Variants in UNC5D observed in about 807,000 individuals in gnomAD.
UNC5D encodes netrin receptor UNC5D.
UNC5D carries 39 observed loss-of-function variants against 105.4 expected under a neutral mutation model. That is an observed-to-expected ratio of 0.37 (90% CI 0.29 to 0.48). The LOEUF (loss-of-function observed/expected upper bound fraction) is 0.48. UNC5D is among the 20% of genes least tolerant of loss of function. The probability of loss-of-function intolerance (pLI) is 0.98; values close to 1 mark genes in which losing one functional copy is unlikely to be tolerated. For missense variants in UNC5D, 991 were observed against 1,202.4 expected, an observed-to-expected ratio of 0.82 and a Z score of 2.60; for synonymous variants, 452 against 450.4, an observed-to-expected ratio of 1.00 and a Z score of -0.04.
At position 35,790,765 on chromosome 8, in the gene UNC5D, G is replaced by A. The variant is rs1803003826; in HGVS notation, c.*202G>A. The A allele has an allele frequency of 1.7e-6, 1 of 605,590 alleles. No individual in the cohort carries two copies. The highest frequency in any genetic ancestry group is 3.0e-5 in the Admixed American group (1 of 33,848). 37.5% of individuals were successfully genotyped at this position (605,590 alleles called of 1,614,324 possible). A position where few individuals can be genotyped will look rare whatever the true frequency, so the allele number is the denominator to read the frequency against. On this transcript the variant is annotated 3_prime_UTR_variant, in exon 17 of 17. Transcript: ENST00000404895. ...AGTACAAGCTCTCTTACATATAAGAGGGCTCTACTATCTCCTTGGAATCCA... is the reference window on the plus strand; with the variant it reads ...AGTACAAGCTCTCTTACATATAAGAAGGCTCTACTATCTCCTTGGAATCCA...
At chr8:35,269,422 G>T (rs960545009) in intron 1 of UNC5D, among the ~76,000 whole-genome samples, 1 of 152,100 alleles carries the variant, frequency 6.6e-6, no homozygotes, top group Non-Finnish European at 1.5e-5. Context: ...CAGTTCAAAT[G>T]CTCGCTTCTT....
chr8:35,602,969 G>A (rs1377687259), intron 4 of UNC5D, among the ~76,000 whole-genome samples: 1 of 149,808 alleles, frequency 6.7e-6, no homozygotes, highest in African/African-American at 2.5e-5. Context: ...TGAGAATATG[G>A]GGTGTTTGGT....
At chr8:35,393,967 T>TCTTCTC (rs905088640) in intron 1 of UNC5D, among the ~76,000 whole-genome samples, 5 of 152,180 alleles carry the variant, frequency 3.3e-5, no homozygotes, top group African/African-American at 1.2e-4. Context: ...TTCTTCCCTT[T>TCTTCTC]CTTCTCCTTC....
At chr8:35,506,976 C>A (rs1812344448) in intron 1 of UNC5D, among the ~76,000 whole-genome samples, 1 of 150,352 alleles carries the variant, frequency 6.7e-6, no homozygotes, top group East Asian at 2.0e-4. Context: ...TTATGTTTGA[C>A]AAACAAATCT....
chr8:35,403,920 C>T (rs1012601948), intron 1 of UNC5D, among the ~76,000 whole-genome samples: 1 of 152,176 alleles, frequency 6.6e-6, no homozygotes, highest in Non-Finnish European at 1.5e-5. Flanking sequence ...CCTCCACTGA[C>T]ATTCTCTCCA....
intron 1 of UNC5D, among the ~76,000 whole-genome samples, chr8:35,237,693 G>A (rs1320893799): frequency 6.6e-6 from 1 of 152,162 alleles, no homozygotes; most frequent in East Asian, 1.9e-4. Flanking sequence ...GTCTTGCACA[G>A]ATCATAGTAA....
chr8:35,777,759 G>A (rs1802320850), intron 16 of UNC5D, among the ~76,000 whole-genome samples: 1 of 152,202 alleles, frequency 6.6e-6, no homozygotes, highest in Non-Finnish European at 1.5e-5. Context: ...ATTATAGTCT[G>A]CAGTTTGCTG....
chr8:35,366,124 C>T (rs1463971582), intron 1 of UNC5D, among the ~76,000 whole-genome samples: 1 of 152,046 alleles, frequency 6.6e-6, no homozygotes, highest in African/African-American at 2.4e-5. Context: ...TCCTGGGATG[C>T]TTGGCCAAAA....
chr8:35,567,488 G>A (rs750839582), intron 2 of UNC5D, among the ~76,000 whole-genome samples: 3 of 151,712 alleles, frequency 2.0e-5, no homozygotes, highest in Non-Finnish European at 4.4e-5. Flanking sequence ...GATCCCCATC[G>A]CTTAAAAAAA....
chr8:35,303,848 A>G (rs1808143059), intron 1 of UNC5D, among the ~76,000 whole-genome samples: 1 of 152,184 alleles, frequency 6.6e-6, no homozygotes, highest in African/African-American at 2.4e-5. Context: ...GTAAATGATC[A>G]GCTAAAGCCA....
intron 3 of UNC5D, among the ~76,000 whole-genome samples, chr8:35,590,093 T>C (rs1201829632): frequency 6.6e-6 from 1 of 152,178 alleles, no homozygotes; most frequent in East Asian, 1.9e-4. Flanking sequence ...ATATTTTTAT[T>C]AGCCACTTGT....
chr8:35,413,876 T>C (rs1276514893), intron 1 of UNC5D, among the ~76,000 whole-genome samples: 1 of 152,118 alleles, frequency 6.6e-6, no homozygotes, highest in Non-Finnish European at 1.5e-5. Flanking sequence ...TTTTCTGTCC[T>C]ATAGAATATT....
intron 1 of UNC5D, among the ~76,000 whole-genome samples, chr8:35,436,386 C>T (rs1807015836): frequency 6.6e-6 from 1 of 151,978 alleles, no homozygotes; most frequent in African/African-American, 2.4e-5. Flanking sequence ...GTTTATTACA[C>T]TTCGGATAGG....
chr8:35,657,062 G>GTA, intron 4 of UNC5D, among the ~76,000 whole-genome samples: 1 of 97,224 alleles, frequency 1.0e-5, no homozygotes, highest in Non-Finnish European at 1.9e-5. Context: ...GTGTGTGTGT[G>GTA]TGTGTGTGTG....
chr8:35,342,532 A>T (rs1811524556), intron 1 of UNC5D, among the ~76,000 whole-genome samples: 1 of 152,090 alleles, frequency 6.6e-6, no homozygotes, highest in Non-Finnish European at 1.5e-5. Context: ...AGTTGCTTGT[A>T]CATTTTGGGA....
intron 8 of UNC5D, among the ~76,000 whole-genome samples, chr8:35,717,017 A>G (rs1828286444): frequency 6.6e-6 from 1 of 152,156 alleles, no homozygotes; most frequent in African/African-American, 2.4e-5. Flanking sequence ...ATGGGATTCC[A>G]TCTCCATGGC....
chr8:35,462,167 CA>C lies in UNC5D; in HGVS notation c.104-87122del, dbSNP rs529409372. 3.9e-5 allele frequency among the ~76,000 whole-genome samples: 6 copies of C among 152,194 alleles called. No individual in the cohort carries two copies. The South Asian group carries it at 1.2e-3, about 32-fold the overall frequency. On this transcript the variant is annotated intron_variant, in intron 1 of 16. Coordinates refer to ENST00000404895, the MANE Select transcript of UNC5D (RefSeq NM_080872.4). ...CTCTCAAGCCCTTAAATTCAATTTA[CA>C]AATCTAATTATTCTTTTACTAAATC...
intron 8 of UNC5D, among the ~76,000 whole-genome samples, chr8:35,713,129 G>T (rs1828057405): frequency 6.6e-6 from 1 of 151,826 alleles, no homozygotes; most frequent in Non-Finnish European, 1.5e-5. Flanking sequence ...CATTTTCAAT[G>T]ATTTTGCTGA....
intron 4 of UNC5D, among the ~76,000 whole-genome samples, chr8:35,630,961 A>C (rs1822002705): frequency 6.6e-6 from 1 of 152,228 alleles, no homozygotes; most frequent in African/African-American, 2.4e-5. Flanking sequence ...AGACATTAAG[A>C]CTAGGTTTTC....
Sources: allele counts gnomAD v4.1 joint callset (sites outside exome capture counted in the v4.1 genomes callset), GRCh38; gene constraint gnomAD v4.1.1; transcripts MANE v1.5; gene names NCBI Gene and HGNC (gene_info 2026-07-23, HGNC 2026-07-21).